The following FGFR1 variants were observed in gnomAD, a reference collection of about 807,000 sequenced individuals.
FGFR1 encodes the protein FGFR1/PLAG1 fusion.
A neutral mutation model predicts 93.7 loss-of-function variants in FGFR1; 18 were observed. That is an observed-to-expected ratio of 0.19 (90% confidence interval 0.13 to 0.28). The LOEUF (loss-of-function observed/expected upper bound fraction) is 0.28, where lower values mean the gene tolerates loss of function less well. Among genes scored for constraint, FGFR1 ranks in the 10% least tolerant of loss-of-function variants. The probability of loss-of-function intolerance (pLI) is 1.00; values close to 1 mark genes in which losing one functional copy is unlikely to be tolerated. For synonymous variants in FGFR1, 448 were observed against 429.3 expected, an observed-to-expected ratio of 1.04 and a Z score of -0.54; for missense variants, 731 against 1,080.4, an observed-to-expected ratio of 0.68 and a Z score of 4.53.
chr8:38,414,170 C>T lies in FGFR1; in HGVS notation c.2168G>A (p.Ser723Asn), dbSNP rs755934643. 2.5e-6 allele frequency: 4 copies of T among 1,614,098 alleles called. No individual in the cohort carries two copies. The Admixed American group carries it at 5.0e-5, about 20-fold the overall frequency. The change falls in exon 16 of 18, where the codon AGT becomes AAT. Residue 723 changes from serine (S) to asparagine (N), a missense_variant. Physicochemically the swap from Ser to Asn is conservative, Grantham distance 46 (BLOSUM62 1). Coordinates refer to ENST00000447712, the MANE Select transcript of FGFR1 (RefSeq NM_023110.3). Reference sequence around the variant, plus strand: ...GGCTTACAGCTCGTTGGTGCAGTTACTGGGCTTGTCCATGCGGTGACCCTC... The same window carrying T: ...GGCTTACAGCTCGTTGGTGCAGTTATTGGGCTTGTCCATGCGGTGACCCTC... ...LKEGHRMDKP[S>N]NCTNELYMMM...
rs1268493261 is a variant in FGFR1, at chr8:38,426,942, G to A, written c.622-697C>T. Among the ~76,000 whole-genome samples the A allele has an allele frequency of 1.3e-5, 2 of 152,012 alleles. No homozygotes were observed. Among genetic ancestry groups the A allele is most frequent in the Admixed American group, 6.6e-5 (1 of 15,248 alleles). On this transcript the variant is annotated intron_variant, in intron 5 of 17. Coordinates refer to ENST00000447712, the MANE Select transcript of FGFR1 (RefSeq NM_023110.3). The surrounding 1 kb of genome is among the most constrained non-coding windows in gnomAD (Gnocchi z 4.1). ...AGCCTGGCCAACATGGGGAAACCCC[G>A]TCTCTACTAAAAATACAAAAATTAG...
At chr8:38,417,229 G>A in intron 12 of FGFR1, 77 bp downstream of exon 12, 1 of 1,129,684 alleles carries the variant, frequency 8.9e-7, no homozygotes, top group Admixed American at 1.7e-5. Flanking sequence ...CTGTGGCTGA[G>A]AGAGGCCTTG....
At chr8:38,462,356 T>C (rs1048403837) in intron 1 of FGFR1, among the ~76,000 whole-genome samples, 2 of 151,834 alleles carry the variant, frequency 1.3e-5, no homozygotes, top group African/African-American at 4.8e-5. Flanking sequence ...GTACAAAAAT[T>C]AGCTGCGTGC....
intron 2 of FGFR1, among the ~76,000 whole-genome samples, chr8:38,446,660 C>T (rs1829399003): frequency 6.6e-6 from 1 of 152,140 alleles, no homozygotes; most frequent in Admixed American, 6.5e-5. Flanking sequence ...CTGCCCACCT[C>T]GGCCTCCCAA....
At chr8:38,467,694 C>T (rs566898060) in intron 1 of FGFR1, 11 of 233,612 alleles carry the variant, frequency 4.7e-5, no homozygotes, top group African/African-American at 2.4e-4. Context: ...GCCGCCTCGC[C>T]AGCTCCCGAG....
At chr8:38,458,883 T>C (rs1833655663) in intron 1 of FGFR1, 2 of 220,110 alleles carry the variant, frequency 9.1e-6, no homozygotes, top group Admixed American at 5.8e-5. Flanking sequence ...AGGGATCCAG[T>C]TCTCCCTGAT....
intron 15 of FGFR1, 73 bp from the exon 16 acceptor site, chr8:38,414,362 C>T (rs2150542284): frequency 6.2e-7 from 1 of 1,608,132 alleles, no homozygotes; most frequent in Non-Finnish European, 8.5e-7. Flanking sequence ...ATCCTCTACC[C>T]AGGGCAGTGC....
chr8:38,415,655 C>T (rs762396955), intron 13 of FGFR1, among the ~76,000 whole-genome samples: 10 of 152,034 alleles, frequency 6.6e-5, no homozygotes, highest in Non-Finnish European at 1.5e-4. Context: ...GTGCACAGAT[C>T]GGACCCTGCA....
At chr8:38,456,724 T>C (rs1038624261) in intron 2 of FGFR1, among the ~76,000 whole-genome samples, 3 of 152,144 alleles carry the variant, frequency 2.0e-5, no homozygotes, top group African/African-American at 7.2e-5. Context: ...GCGTGCACCA[T>C]CACACCCAGT....
Position 38,424,219 on chromosome 8 carries a change from T to G in FGFR1, c.936+290A>C. ...TGAAAAGGCAGGGGTCCAAATGCCT[T>G]CCTTGTGTAGCTGACCCCAAAGCCC... On this transcript the variant is annotated intron_variant, in intron 7 of 17. Transcript: ENST00000447712. The surrounding 1 kb of genome is among the most constrained non-coding windows in gnomAD (Gnocchi z 4.3). 1 of 563,362 alleles carries G rather than the reference T, an allele frequency of 1.8e-6. No homozygotes were observed. Among genetic ancestry groups the G allele is most frequent in the Non-Finnish European group, 3.4e-6 (1 of 297,158 alleles). 34.9% of individuals were successfully genotyped at this position (563,362 alleles called of 1,614,324 possible). A position where few individuals can be genotyped will look rare whatever the true frequency, so the allele number is the denominator to read the frequency against.
chr8:38,418,177 A>G, intron 10 of FGFR1, 51 bp downstream of exon 10: 5 of 1,613,778 alleles, frequency 3.1e-6, no homozygotes, highest in Non-Finnish European at 4.2e-6. Flanking sequence ...CCACCACTAG[A>G]ATAGCAAGCA....
chr8:38,422,473 C>T (rs1819190001), intron 7 of FGFR1, among the ~76,000 whole-genome samples: 1 of 152,234 alleles, frequency 6.6e-6, no homozygotes, highest in Admixed American at 6.5e-5. Context: ...GTGGCATAAA[C>T]ATAGCTCACT....
intron 1 of FGFR1, chr8:38,466,073 C>T: frequency 4.3e-6 from 1 of 231,256 alleles, no homozygotes; most frequent in East Asian, 6.0e-5. Flanking sequence ...GCCTCAAAGA[C>T]TATTACCAAA....
At chr8:38,417,639 A>G in intron 11 of FGFR1, 1 of 725,346 alleles carries the variant, frequency 1.4e-6, no homozygotes, top group Non-Finnish European at 2.4e-6. Context: ...CAAGCGATGG[A>G]TCCAGGATAA....
intron 2 of FGFR1, 100 bp from the exon 3 acceptor site, chr8:38,430,048 C>T (rs986986368): frequency 3.8e-5 from 46 of 1,199,514 alleles, no homozygotes; most frequent in Admixed American, 8.9e-5. Flanking sequence ...GCTGGCCACA[C>T]GGAGCCGCAC....
chr8:38,432,151 G>A (rs1280399742), intron 2 of FGFR1, among the ~76,000 whole-genome samples: 1 of 152,080 alleles, frequency 6.6e-6, no homozygotes, highest in Non-Finnish European at 1.5e-5. Flanking sequence ...GAACCCCCAG[G>A]CATTTATTTC....
In FGFR1 at chr8:38,417,973, G is replaced by T. The variant is rs755702592; in HGVS notation, c.1449C>A (p.Pro483=). 6.2e-7 allele frequency: 1 copy of T among 1,614,182 alleles called. No individual in the cohort carries two copies. Among genetic ancestry groups the T allele is most frequent in the East Asian group, 2.2e-5 (1 of 44,884 alleles). Residue 483 remains proline (P), a synonymous_variant, in exon 11 of 18, where the codon CCC becomes CCA. Transcript: ENST00000447712. ...LPRDRLVLGK[P]LGEGCFGQVV... is the part of the protein sequence containing the mutation. ...CCTGCCCAAAGCAGCCCTCTCCCAG[G>T]GGTTTGCCTAAGACCAGTCTTTCGG...
Position 38,419,514 on chromosome 8 carries a change from A to G in FGFR1, c.1284+19T>C. ...GAGAGAGAGGTGGTGCTGAGTGTGC[A>G]AATCCCCCATCTACTTTCTGTTACC... On this transcript the variant is annotated intron_variant, in intron 9 of 17. Coordinates refer to ENST00000447712, the MANE Select transcript of FGFR1 (RefSeq NM_023110.3). The G allele has an allele frequency of 1.2e-6, 2 of 1,610,760 alleles. No individual in the cohort carries two copies. Among genetic ancestry groups the G allele is most frequent in the Non-Finnish European group, 1.7e-6 (2 of 1,177,002 alleles).
intron 2 of FGFR1, among the ~76,000 whole-genome samples, chr8:38,440,536 C>T (rs986692570): frequency 1.3e-5 from 2 of 151,182 alleles, no homozygotes; most frequent in South Asian, 4.2e-4. Context: ...GGGCCAATGG[C>T]GTCCACCAGC....
Sources: gnomAD v4.1 joint callset for allele counts (sites outside exome capture counted in the v4.1 genomes callset) on GRCh38, gnomAD v4.1.1 for gene constraint, Gnocchi (gnomAD v3.1) non-coding constraint, MANE v1.5 for transcripts, NCBI Gene and HGNC (gene_info 2026-07-23, HGNC 2026-07-21) for gene names.